RASGRP1: variants seen among roughly 807,000 people sequenced by gnomAD.
The protein encoded by RASGRP1 is RAS guanyl-releasing protein 1.
A neutral mutation model predicts 95.1 loss-of-function variants in RASGRP1; 37 were observed. The observed-to-expected ratio is 0.39, with a 90% CI of 0.30 to 0.51. RASGRP1 has a LOEUF of 0.51. Among genes scored for constraint, RASGRP1 ranks in the 20% least tolerant of loss-of-function variants. RASGRP1 has a pLI of 0.80. For synonymous variants in RASGRP1, 325 were observed against 353.4 expected (o/e 0.92, Z 0.90); for missense variants, 711 against 965.4 (o/e 0.74, Z 3.49).
At chr15:38,516,118 G>A in intron 6 of RASGRP1, 79 bp downstream of exon 6, 1 of 1,476,292 alleles carries the variant, frequency 6.8e-7, no homozygotes, top group South Asian at 1.2e-5. Context: ...AGGTTATGAA[G>A]CGGATGGGCT....
chr15:38,517,776 C>T (rs1327035942), intron 5 of RASGRP1, among the ~76,000 whole-genome samples: 1 of 152,182 alleles, frequency 6.6e-6, no homozygotes, highest in Non-Finnish European at 1.5e-5. Flanking sequence ...CTCATTTTCC[C>T]AGAATGGGTC....
chr15:38,536,197 A>G (rs1892638135), intron 2 of RASGRP1, among the ~76,000 whole-genome samples: 1 of 152,204 alleles, frequency 6.6e-6, no homozygotes, highest in African/African-American at 2.4e-5. Context: ...GCTGCCATGC[A>G]CGCAACCCCA....
chr15:38,519,909 T>C (rs1195893878), intron 3 of RASGRP1, among the ~76,000 whole-genome samples: 1 of 152,234 alleles, frequency 6.6e-6, no homozygotes, highest in African/African-American at 2.4e-5. Flanking sequence ...TTACAATATA[T>C]ACACCTAGAG....
At chr15:38,512,343 T>C (rs889381568) in intron 7 of RASGRP1, among the ~76,000 whole-genome samples, 1 of 152,188 alleles carries the variant, frequency 6.6e-6, no homozygotes, top group African/African-American at 2.4e-5. Flanking sequence ...TAGTACTTGT[T>C]TTCCTCTTAT....
chr15:38,496,993 T>C (rs925771549), intron 15 of RASGRP1, among the ~76,000 whole-genome samples: 11 of 152,224 alleles, frequency 7.2e-5, no homozygotes, highest in Non-Finnish European at 1.2e-4. Flanking sequence ...AGTAATGATA[T>C]TAACATATGG....
intron 2 of RASGRP1, among the ~76,000 whole-genome samples, chr15:38,554,832 G>A (rs1178922489): frequency 1.3e-5 from 2 of 152,214 alleles, no homozygotes; most frequent in African/African-American, 2.4e-5. Flanking sequence ...GACTACTAGC[G>A]ACTGGGAGGT....
chr15:38,515,654 C>G (rs1249828253), intron 6 of RASGRP1, among the ~76,000 whole-genome samples: 1 of 151,946 alleles, frequency 6.6e-6, no homozygotes, highest in Non-Finnish European at 1.5e-5. Context: ...AGGACCACTT[C>G]AAGGATTTAG....
chr15:38,507,774 C>A lies in RASGRP1; in HGVS notation c.1194G>T (p.Glu398Asp). The change falls in exon 9 of 17, where the codon GAG becomes GAT. Residue 398 changes from glutamate to aspartate, a missense_variant. Physicochemically the swap from Glu to Asp is conservative, Grantham distance 45. Around this residue, in one of 3 missense-constraint regions of RASGRP1, gnomAD observed 491 missense variants for 676.6 expected, o/e 0.73. Transcript: ENST00000310803. ...TGTTAGCCTCCAAGGGTGGGGCCAC[C>A]TCTTGCAGCTGGACCAATTCACTGA... Reference protein sequence around the residue: ...NHISELVQLQEVAPPLEANKD... With the variant: ...NHISELVQLQDVAPPLEANKD... 6.2e-7 allele frequency: 1 copy of A among 1,601,620 alleles called. No individual in the cohort carries two copies. The highest frequency in any genetic ancestry group is 8.5e-7 in the Non-Finnish European group (1 of 1,174,054).
At chr15:38,492,330 A>G (rs902354853) in intron 16 of RASGRP1, among the ~76,000 whole-genome samples, 4 of 152,204 alleles carry the variant, frequency 2.6e-5, no homozygotes, top group Non-Finnish European at 5.9e-5. Flanking sequence ...CCAAATCAAG[A>G]GTTCCACATA....
intron 1 of RASGRP1, among the ~76,000 whole-genome samples, chr15:38,562,510 G>C (rs1893852147): frequency 1.3e-5 from 2 of 152,246 alleles, no homozygotes; most frequent in Non-Finnish European, 2.9e-5. Context: ...CATAGCCACT[G>C]CTGGGATTAC....
At chr15:38,558,620 C>T (rs1046594715) in intron 2 of RASGRP1, among the ~76,000 whole-genome samples, 1 of 152,090 alleles carries the variant, frequency 6.6e-6, no homozygotes, top group Non-Finnish European at 1.5e-5. Flanking sequence ...GGGTTGGGGC[C>T]CAGCAATGTG....
At chr15:38,511,547 G>T in intron 8 of RASGRP1, 57 bp downstream of exon 8, 1 of 1,360,894 alleles carries the variant, frequency 7.3e-7, no homozygotes, top group East Asian at 2.3e-5. Flanking sequence ...AGGAGAAAAT[G>T]TTGGCACACA....
intron 3 of RASGRP1, among the ~76,000 whole-genome samples, chr15:38,524,731 A>T (rs1892137530): frequency 6.6e-6 from 1 of 152,140 alleles, no homozygotes; most frequent in African/African-American, 2.4e-5. Context: ...TAACAATGGA[A>T]TGAAGGGGAG....
At chr15:38,537,822 C>G (rs1006562192) in intron 2 of RASGRP1, among the ~76,000 whole-genome samples, 11 of 152,302 alleles carry the variant, frequency 7.2e-5, no homozygotes, top group African/African-American at 2.6e-4. Flanking sequence ...CCAGAACCCT[C>G]AAGAGTTTAC....
chr15:38,514,907 C>T (rs896027035), intron 6 of RASGRP1, among the ~76,000 whole-genome samples: 12 of 152,204 alleles, frequency 7.9e-5, no homozygotes, highest in African/African-American at 2.7e-4. Context: ...GACTGCTGTC[C>T]TTCCCTGTGA....
intron 2 of RASGRP1, among the ~76,000 whole-genome samples, chr15:38,536,335 G>C (rs1892644657): frequency 6.6e-6 from 1 of 152,208 alleles, no homozygotes; most frequent in South Asian, 2.1e-4. Context: ...CTTGCTGGGA[G>C]GAGGGCTGGC....
chr15:38,554,146 G>GAA (rs1566938088), intron 2 of RASGRP1, among the ~76,000 whole-genome samples: 6 of 151,666 alleles, frequency 4.0e-5, no homozygotes, highest in Non-Finnish European at 7.4e-5. Flanking sequence ...AATCTCTGGA[G>GAA]TAGCAGAAAG....
rs573644975 is a variant in RASGRP1 at position 38,543,495 on chromosome 15, G to A, written c.220+16326C>T. 2.0e-5 allele frequency among the ~76,000 whole-genome samples: 3 copies of A among 147,452 alleles called. No homozygotes were observed. The South Asian group carries it at 6.5e-4, about 32-fold the overall frequency. ...AATTTTCCACTTCATTCTTTTTCAA[G>A]ATTCTGGTTATTCCAGGTCCTTTCA... On this transcript the variant is annotated intron_variant, in intron 2 of 16. Transcript: ENST00000310803.
chr15:38,493,123 G>A (rs1321354360), intron 16 of RASGRP1, among the ~76,000 whole-genome samples: 11 of 148,926 alleles, frequency 7.4e-5, no homozygotes, highest in East Asian at 2.0e-4. Flanking sequence ...CTCGTGATCC[G>A]CCCACCTTGG....
Sources: allele counts gnomAD v4.1 joint callset (sites outside exome capture counted in the v4.1 genomes callset), GRCh38; gene constraint gnomAD v4.1.1; regional missense constraint gnomAD v4.1.1; transcripts MANE v1.5; gene names NCBI Gene and HGNC (gene_info 2026-07-23, HGNC 2026-07-21).